AKAP13: variants seen among roughly 807,000 people sequenced by gnomAD.
AKAP13 encodes the protein A-kinase anchor protein 13.
A neutral mutation model predicts 264.5 loss-of-function variants in AKAP13; 80 were observed. That is an observed-to-expected ratio of 0.30 (90% confidence interval 0.25 to 0.36). The LOEUF (loss-of-function observed/expected upper bound fraction) is 0.36, where lower values mean the gene tolerates loss of function less well. Among genes scored for constraint, AKAP13 ranks in the 10% least tolerant of loss-of-function variants. The pLI is 1.00. For missense variants in AKAP13, 3,712 were observed against 3,435.2 expected (o/e 1.08, Z -2.01); for synonymous variants, 1,380 against 1,250.2 (o/e 1.10, Z -2.19).
intron 1 of AKAP13, among the ~76,000 whole-genome samples, chr15:85,446,664 T>C (rs1167565149): frequency 6.6e-6 from 1 of 151,954 alleles, no homozygotes; most frequent in African/African-American, 2.4e-5. Flanking sequence ...CAAGTAAACA[T>C]GCCTTTTCGT....
intron 1 of AKAP13, among the ~76,000 whole-genome samples, chr15:85,474,964 C>T (rs981350463): frequency 6.6e-6 from 1 of 152,130 alleles, no homozygotes; most frequent in Non-Finnish European, 1.5e-5. Flanking sequence ...GGAAATCATT[C>T]CTAACAGGTC....
intron 29 of AKAP13, among the ~76,000 whole-genome samples, chr15:85,729,470 G>C (rs2087833536): frequency 6.6e-6 from 1 of 152,144 alleles, no homozygotes; most frequent in Non-Finnish European, 1.5e-5. Flanking sequence ...GAAAAGATTG[G>C]TTTCTCACGT....
rs1365491624 is a variant in AKAP13, at chr15:85,657,708, CTCT to C, written c.4746-827_4746-825del. ...ATTTCCCAGTTTTGCTCGTGGTGTA[CTCT>C]TTTTTTTTTTTTTTTTTTAAGCATT... On this transcript the variant is annotated intron_variant, in intron 11 of 36. Transcript: ENST00000394518. Among the ~76,000 whole-genome samples the C allele has an allele frequency of 3.5e-4, 40 of 114,946 alleles. No homozygotes were observed. In the South Asian group the frequency reaches 6.6e-3, roughly 19 times the overall value. The allele number at this position is 114,946 out of a possible 152,430, so 75.4% of individuals were successfully genotyped here. A position where few individuals can be genotyped will look rare whatever the true frequency, so the allele number is the denominator to read the frequency against.
intron 8 of AKAP13, among the ~76,000 whole-genome samples, chr15:85,627,910 A>G (rs77545096): frequency 0.015 from 2,292 of 152,242 alleles, 30 homozygotes; most frequent in Middle Eastern, 0.041. Flanking sequence ...CTGCCTTACC[A>G]TCTTTCTCTT....
At chr15:85,601,608 T>TTGTGTGTGTGTCTGTG (rs2080077010) in intron 8 of AKAP13, among the ~76,000 whole-genome samples, 1 of 131,990 alleles carries the variant, frequency 7.6e-6, no homozygotes, top group Admixed American at 7.8e-5. Context: ...CCTGAATTCT[T>TTGTGTGTGTGTCTGTG]TGTGTGTGTG....
chr15:85,438,741 G>A (rs1022827168), intron 1 of AKAP13, among the ~76,000 whole-genome samples: 4 of 151,940 alleles, frequency 2.6e-5, no homozygotes, highest in Admixed American at 2.6e-4. Context: ...TTAATAAATG[G>A]TGCTGGGAAA....
intron 8 of AKAP13, among the ~76,000 whole-genome samples, chr15:85,635,984 C>G: frequency 6.6e-6 from 1 of 152,070 alleles, no homozygotes; most frequent in African/African-American, 2.4e-5. Context: ...TATAGTATGT[C>G]TTGAAATCAT....
chr15:85,511,036 C>T (rs555270921), intron 2 of AKAP13, among the ~76,000 whole-genome samples: 1 of 152,118 alleles, frequency 6.6e-6, no homozygotes, highest in East Asian at 1.9e-4. Context: ...ATGAAAAAAC[C>T]CATTTAAGGC....
intron 1 of AKAP13, among the ~76,000 whole-genome samples, chr15:85,423,058 T>C (rs7166269): frequency 0.28 from 42,765 of 152,140 alleles, 8,373 homozygotes; most frequent in African/African-American, 0.54. Context: ...TTGAAAAATA[T>C]TGCTAAAAAA....
intron 1 of AKAP13, among the ~76,000 whole-genome samples, chr15:85,412,358 A>G (rs986756793): frequency 6.6e-6 from 1 of 152,224 alleles, no homozygotes; most frequent in Non-Finnish European, 1.5e-5. Context: ...TTAAAAATGT[A>G]CTTCCCCAAA....
intron 2 of AKAP13, among the ~76,000 whole-genome samples, chr15:85,512,915 G>A (rs2076487488): frequency 6.6e-6 from 1 of 152,062 alleles, no homozygotes; most frequent in Admixed American, 6.6e-5. Flanking sequence ...GGAGTGCAGT[G>A]GTGTGATCTC....
At chr15:85,671,900 C>A (rs1048689660) in intron 14 of AKAP13, among the ~76,000 whole-genome samples, 1 of 152,178 alleles carries the variant, frequency 6.6e-6, no homozygotes, top group Non-Finnish European at 1.5e-5. Flanking sequence ...CATAGAGAGA[C>A]CTTTTTCCTA....
At chr15:85,582,150 T>G in intron 7 of AKAP13, 43 bp downstream of exon 7, 1 of 1,531,250 alleles carries the variant, frequency 6.5e-7, no homozygotes, top group Non-Finnish European at 8.7e-7. Flanking sequence ...GAGAAGCAGA[T>G]TCCCTTAAGA....
At chr15:85,655,278 A>G in intron 10 of AKAP13, 139 bp from the exon 11 acceptor site, 1 of 1,025,372 alleles carries the variant, frequency 9.8e-7, no homozygotes, top group Non-Finnish European at 1.4e-6. Context: ...TCATCCTATT[A>G]AAAAAACAAG....
chr15:85,639,956 C>G (rs2082234314), intron 9 of AKAP13, among the ~76,000 whole-genome samples: 1 of 152,200 alleles, frequency 6.6e-6, no homozygotes, highest in African/African-American at 2.4e-5. Flanking sequence ...ACTTTGGACA[C>G]ATGGTCAGGA....
intron 1 of AKAP13, among the ~76,000 whole-genome samples, chr15:85,484,659 A>G (rs2075472460): frequency 1.3e-5 from 2 of 152,122 alleles, no homozygotes. Flanking sequence ...GATCCGAGAC[A>G]TACACAACTT....
intron 19 of AKAP13, among the ~76,000 whole-genome samples, chr15:85,713,791 T>C (rs112392114): frequency 4.6e-5 from 7 of 152,124 alleles, no homozygotes; most frequent in Non-Finnish European, 8.8e-5. Flanking sequence ...CCCAGTCTTA[T>C]TTCCTTCACC....
At chr15:85,418,845 C>T (rs1338071097) in intron 1 of AKAP13, among the ~76,000 whole-genome samples, 2 of 152,296 alleles carry the variant, frequency 1.3e-5, no homozygotes, top group East Asian at 3.9e-4. Flanking sequence ...ATAAAGACCA[C>T]AAGTGGCTAA....
chr15:85,387,791 T>C (rs1478685196), intron 1 of AKAP13, among the ~76,000 whole-genome samples: 2 of 152,238 alleles, frequency 1.3e-5, no homozygotes, highest in African/African-American at 2.4e-5. Flanking sequence ...TGTAATCTTA[T>C]ACATGTATTT....
Sources: allele counts gnomAD v4.1 joint callset (sites outside exome capture counted in the v4.1 genomes callset), GRCh38; gene constraint gnomAD v4.1.1; transcripts MANE v1.5; gene names NCBI Gene and HGNC (gene_info 2026-07-23, HGNC 2026-07-21).